RBFOX1: variants seen among roughly 807,000 people sequenced by gnomAD.
RBFOX1 encodes the protein RNA binding protein fox-1 homolog 1.
Under a neutral mutation model 57.7 loss-of-function variants are expected in RBFOX1, and 8 were observed. The ratio of observed to expected loss-of-function variants is 0.14; its 90% CI spans 0.08 to 0.25. RBFOX1 has a LOEUF of 0.25. RBFOX1 is among the 10% of genes least tolerant of loss of function. The probability of loss-of-function intolerance (pLI) is 1.00; values close to 1 mark genes in which losing one functional copy is unlikely to be tolerated. For missense variants in RBFOX1, 611 were observed against 548.5 expected (o/e 1.11, Z -1.14); for synonymous variants, 326 against 222.4 (o/e 1.47, Z -4.15).
chr16:6,932,994 A>T (rs2076806108), intron 3 of RBFOX1, among the ~76,000 whole-genome samples: 1 of 152,086 alleles, frequency 6.6e-6, no homozygotes, highest in Admixed American at 6.6e-5. Context: ...ATCATTCAGT[A>T]TTTGTCTTTT....
chr16:6,560,081 A>G (rs1320266522), intron 2 of RBFOX1, among the ~76,000 whole-genome samples: 1 of 151,984 alleles, frequency 6.6e-6, no homozygotes, highest in Non-Finnish European at 1.5e-5. Context: ...CCCTAAGAAG[A>G]AGGATATATA....
At chr16:6,296,972 A>G (rs113983531) in intron 1 of RBFOX1, among the ~76,000 whole-genome samples, 3,553 of 152,324 alleles carry the variant, frequency 0.023, 146 homozygotes, top group African/African-American at 0.08. Flanking sequence ...CCCAAGGGCT[A>G]CTGGTTGCCC....
intron 2 of RBFOX1, among the ~76,000 whole-genome samples, chr16:6,481,313 CTGTT>C (rs2095367912): frequency 6.6e-6 from 1 of 152,196 alleles, no homozygotes; most frequent in African/African-American, 2.4e-5. Context: ...ATGGTTTTAA[CTGTT>C]TGCTGTGCCC....
intron 1 of RBFOX1, among the ~76,000 whole-genome samples, chr16:5,463,426 C>A (rs1001020261): frequency 5.3e-5 from 8 of 151,898 alleles, no homozygotes; most frequent in Non-Finnish European, 8.8e-5. Context: ...TTTTGAGTTT[C>A]TAAATGAAAA....
At chr16:5,656,304 G>A (rs1341879025) in intron 3 of RBFOX1, among the ~76,000 whole-genome samples, 2 of 152,148 alleles carry the variant, frequency 1.3e-5, no homozygotes, top group East Asian at 1.9e-4. Flanking sequence ...TCAGCACTCA[G>A]TGCAGAGGCG....
rs372994032 is a variant in RBFOX1 at position 5,521,944 on chromosome 16, A to G, written c.258+54690A>G. 3.7e-4 allele frequency among the ~76,000 whole-genome samples: 56 copies of G among 152,316 alleles called. 2 individuals carry two copies. In the South Asian group the frequency reaches 9.5e-3, roughly 26 times the overall value. On this transcript the variant is annotated intron_variant, in intron 2 of 2. Coordinates refer to the RBFOX1 transcript ENST00000585867. The stretch of plus-strand genomic sequence containing the variant: ...GGGGATGCCCTGGAGGAGTCAGATT[A>G]CAGAGGAGGCTGAGGAGGGAAAAGA...
At chr16:7,475,800 C>A (rs1179964989) in intron 4 of RBFOX1, among the ~76,000 whole-genome samples, 1 of 152,042 alleles carries the variant, frequency 6.6e-6, no homozygotes, top group Non-Finnish European at 1.5e-5. Flanking sequence ...AACAGAGCAC[C>A]TGAAAGTTAT....
At chr16:7,310,505 G>A (rs1180947677) in intron 4 of RBFOX1, among the ~76,000 whole-genome samples, 1 of 151,986 alleles carries the variant, frequency 6.6e-6, no homozygotes, top group African/African-American at 2.4e-5. Flanking sequence ...GAGTCCTGTT[G>A]GTATGTTTTA....
At chr16:5,528,147 C>T (rs1282394609) in intron 2 of RBFOX1, among the ~76,000 whole-genome samples, 1 of 152,080 alleles carries the variant, frequency 6.6e-6, no homozygotes, top group Non-Finnish European at 1.5e-5. Flanking sequence ...TCTATATGCC[C>T]AGGGCTGCAC....
At chr16:5,641,205 C>G (rs533097531) in intron 3 of RBFOX1, among the ~76,000 whole-genome samples, 1 of 152,256 alleles carries the variant, frequency 6.6e-6, no homozygotes, top group Admixed American at 6.5e-5. Context: ...CACATGCACA[C>G]CATGCATACA....
At chr16:5,262,394 G>C (rs2062757069) in intron 1 of RBFOX1, among the ~76,000 whole-genome samples, 1 of 152,198 alleles carries the variant, frequency 6.6e-6, no homozygotes, top group South Asian at 2.1e-4. Context: ...CCAATCCACT[G>C]AAGACCTGAA....
At chr16:6,525,966 G>A (rs541614904) in intron 2 of RBFOX1, among the ~76,000 whole-genome samples, 13 of 152,148 alleles carry the variant, frequency 8.5e-5, no homozygotes, top group African/African-American at 2.9e-4. Flanking sequence ...GGCTGAATGC[G>A]GGAAGTAAAG....
intron 1 of RBFOX1, among the ~76,000 whole-genome samples, chr16:5,397,710 G>C (rs1227919074): frequency 6.6e-6 from 1 of 152,122 alleles, no homozygotes; most frequent in African/African-American, 2.4e-5. Flanking sequence ...ACCTTCTTTG[G>C]GTCTTGATTC....
At chr16:6,527,425 T>C (rs572554558) in intron 2 of RBFOX1, among the ~76,000 whole-genome samples, 2 of 152,122 alleles carry the variant, frequency 1.3e-5, no homozygotes, top group Non-Finnish European at 2.9e-5. Flanking sequence ...ACTTAATGTA[T>C]TTTTGGGGCT....
chr16:5,420,391 T>C (rs541774439), intron 1 of RBFOX1, among the ~76,000 whole-genome samples: 79 of 151,178 alleles, frequency 5.2e-4, no homozygotes, highest in African/African-American at 1.3e-3. Context: ...CACCCCCATA[T>C]ACACACACAC....
chr16:5,770,606 T>C (rs1368035590), intron 3 of RBFOX1, among the ~76,000 whole-genome samples: 24 of 152,240 alleles, frequency 1.6e-4, no homozygotes, highest in Non-Finnish European at 4.4e-5. Flanking sequence ...CTGTTCTCTG[T>C]TGCTCTAGTA....
intron 3 of RBFOX1, among the ~76,000 whole-genome samples, chr16:5,853,073 G>T (rs2056936932): frequency 6.6e-6 from 1 of 152,106 alleles, no homozygotes; most frequent in Non-Finnish European, 1.5e-5. Flanking sequence ...CTAGCCCTAG[G>T]AAAAGAGACT....
At chr16:5,352,523 C>T (rs934296408) in intron 1 of RBFOX1, among the ~76,000 whole-genome samples, 2 of 152,156 alleles carry the variant, frequency 1.3e-5, no homozygotes, top group Non-Finnish European at 2.9e-5. Flanking sequence ...TTTATTGAAC[C>T]CATTTGAGAG....
chr16:6,385,199 G>A (rs1206630324), intron 2 of RBFOX1, among the ~76,000 whole-genome samples: 2 of 152,186 alleles, frequency 1.3e-5, no homozygotes, highest in African/African-American at 4.8e-5. Flanking sequence ...AGCTGGTTGA[G>A]CCAAGCTTTT....
Sources: gnomAD v4.1 joint callset for allele counts (sites outside exome capture counted in the v4.1 genomes callset) on GRCh38, gnomAD v4.1.1 for gene constraint, MANE v1.5 for transcripts, NCBI Gene and HGNC (gene_info 2026-07-23, HGNC 2026-07-21) for gene names.